Variants in LY75 observed in about 807,000 individuals in gnomAD.
LY75 encodes C-type lectin domain family 13 member B.
LY75 carries 185 observed loss-of-function variants against 231.7 expected under a neutral mutation model. The ratio of observed to expected loss-of-function variants is 0.80; its 90% CI spans 0.71 to 0.90. The LOEUF is 0.90. Ranked by LOEUF, LY75 falls within the 40% of genes least tolerant of loss-of-function variation. LY75 has a pLI of 0.00. For missense variants in LY75, 1,947 were observed against 2,050.2 expected (o/e 0.95, Z 0.97); for synonymous variants, 668 against 689.0 (o/e 0.97, Z 0.48).
chr2:159,850,799 T>TATATATATATATATATATA (rs1491206351), intron 21 of LY75, among the ~76,000 whole-genome samples: 4 of 105,366 alleles, frequency 3.8e-5, no homozygotes, highest in African/African-American at 1.2e-4. Context: ...TATATATATA[T>TATATATATATATATATATA]TATATCTTAT....
At chr2:159,844,093 T>C (rs1684124778) in intron 23 of LY75, among the ~76,000 whole-genome samples, 1 of 152,042 alleles carries the variant, frequency 6.6e-6, no homozygotes, top group Non-Finnish European at 1.5e-5. Context: ...GATGGAAAGC[T>C]ACCCAGTCAT....
intron 23 of LY75, among the ~76,000 whole-genome samples, chr2:159,845,501 T>G (rs1438749048): frequency 6.6e-6 from 1 of 151,432 alleles, no homozygotes; most frequent in Non-Finnish European, 1.5e-5. Flanking sequence ...ATCCGTGGGT[T>G]CTGAATCTGG....
At chr2:159,861,280 A>G (rs1373213424) in intron 14 of LY75, among the ~76,000 whole-genome samples, 1 of 152,244 alleles carries the variant, frequency 6.6e-6, no homozygotes, top group African/African-American at 2.4e-5. Context: ...AAGAATAAAA[A>G]AGGAGGTGAC....
intron 28 of LY75, among the ~76,000 whole-genome samples, chr2:159,821,555 G>A (rs1486211106): frequency 6.6e-6 from 1 of 150,520 alleles, no homozygotes. Context: ...GGCAGAGGTA[G>A]CAGTGAGCCA....
chr2:159,852,244 G>T lies in LY75; in HGVS notation c.2840C>A (p.Ala947Asp). 1 of 1,613,976 alleles carries T rather than the reference G, an allele frequency of 6.2e-7. No individual in the cohort carries two copies. The highest frequency in any genetic ancestry group is 1.1e-5 in the South Asian group (1 of 91,074). ...CCATTGCTCAGAACATTGCACTTTAGCTGCAGAATCTGGGCTGTATTTCTC... is the reference window on the plus strand; with the variant it reads ...CCATTGCTCAGAACATTGCACTTTATCTGCAGAATCTGGGCTGTATTTCTC... ...SLEKYSPDSA[A>D]KVQCSEQWIP... The change falls in exon 21 of 35, where the codon GCT (alanine) becomes GAT (aspartate). Residue 947 changes from alanine (A) to aspartate (D), a missense_variant. By Grantham distance (126) the Ala-to-Asp change is moderately radical. Coordinates refer to ENST00000263636, the MANE Select transcript of LY75 (RefSeq NM_002349.4).
intron 34 of LY75, among the ~76,000 whole-genome samples, chr2:159,805,891 C>T (rs1277383867): frequency 6.6e-6 from 1 of 152,124 alleles, no homozygotes; most frequent in Non-Finnish European, 1.5e-5. Context: ...CAGAATAAAA[C>T]CAGAACTCAA....
chr2:159,894,311 T>C lies in LY75; in HGVS notation c.467-227A>G, dbSNP rs370203514. 1.1e-4 allele frequency among the ~76,000 whole-genome samples: 16 copies of C among 152,346 alleles called. 1 individual carries two copies. In the South Asian group the frequency reaches 3.1e-3, roughly 30 times the overall value. On this transcript the variant is annotated intron_variant, in intron 2 of 34. Transcript: ENST00000263636. Reference sequence around the variant, plus strand: ...TCCAACCTCTAGTAGCCTCTGTTTCTGCTTTTGCAAACTGGGGATAGCGTT... The same window carrying C: ...TCCAACCTCTAGTAGCCTCTGTTTCCGCTTTTGCAAACTGGGGATAGCGTT...
intron 28 of LY75, among the ~76,000 whole-genome samples, chr2:159,827,728 C>T (rs1683516973): frequency 6.6e-6 from 1 of 152,124 alleles, no homozygotes; most frequent in African/African-American, 2.4e-5. Flanking sequence ...CAATGATAAA[C>T]TGGATAAAGA....
chr2:159,858,727 C>T (rs2729716), intron 15 of LY75, among the ~76,000 whole-genome samples: 5,229 of 152,290 alleles, frequency 0.034, 251 homozygotes, highest in East Asian at 0.16. Flanking sequence ...CTCCCCCACA[C>T]CTGACAATTT....
chr2:159,892,668 G>A (rs1459059153), intron 3 of LY75, among the ~76,000 whole-genome samples: 2 of 152,186 alleles, frequency 1.3e-5, no homozygotes, highest in African/African-American at 2.4e-5. Flanking sequence ...CCTATCACAT[G>A]TCAGGTACCG....
intron 12 of LY75, among the ~76,000 whole-genome samples, chr2:159,874,711 T>C (rs1429459150): frequency 1.7e-4 from 1 of 5,942 alleles, no homozygotes; most frequent in African/African-American, 6.9e-4. Flanking sequence ...TAAATATATG[T>C]AAATATATAT....
At chr2:159,898,366 T>G in intron 2 of LY75, among the ~76,000 whole-genome samples, 1 of 152,134 alleles carries the variant, frequency 6.6e-6, no homozygotes. Context: ...ATTCCTTTCC[T>G]CTAGGGTTTC....
At chr2:159,860,055 T>C (rs188953716) in intron 15 of LY75, among the ~76,000 whole-genome samples, 32 of 152,348 alleles carry the variant, frequency 2.1e-4, no homozygotes, top group South Asian at 4.1e-4. Context: ...GTGAAGACAA[T>C]GGCTATGCTT....
At chr2:159,859,910 C>T (rs1684654048) in intron 15 of LY75, among the ~76,000 whole-genome samples, 2 of 152,216 alleles carry the variant, frequency 1.3e-5, no homozygotes, top group African/African-American at 2.4e-5. Context: ...GGACCATCAC[C>T]ATCACCATCC....
chr2:159,896,911 A>G (rs889531485), intron 2 of LY75, among the ~76,000 whole-genome samples: 1 of 152,148 alleles, frequency 6.6e-6, no homozygotes, highest in South Asian at 2.1e-4. Flanking sequence ...ATGCTTTAAA[A>G]AAAGCTTTAG....
rs576584691 is a variant in LY75 at position 159,840,774 on chromosome 2, C to T, written c.3462G>A (p.Ala1154=). The change falls in exon 25 of 35, where the codon GCG becomes GCA. Residue 1154 remains alanine, a synonymous_variant. Transcript: ENST00000263636. The part of the protein sequence containing the change: ...PYQQAFLSVQ[A]LLHNSSLWIG... Reference sequence around the variant, plus strand: ...TCCATAAGGAAGAGTTGTGAAGGAGCGCCTGCACACTGAGGAATGCCTGCT... The same window carrying T: ...TCCATAAGGAAGAGTTGTGAAGGAGTGCCTGCACACTGAGGAATGCCTGCT... 77 of 1,613,996 alleles carry T rather than the reference C, an allele frequency of 4.8e-5. No individual in the cohort carries two copies. In the South Asian group the frequency reaches 4.8e-4, roughly 10 times the overall value.
Position 159,842,260 on chromosome 2 carries a change from A to T in LY75, c.3265T>A (p.Cys1089Ser), listed in dbSNP as rs1338788190. 1.2e-6 allele frequency: 2 copies of T among 1,611,552 alleles called. No homozygotes were observed. Among genetic ancestry groups the T allele is most frequent in the African/African-American group, 2.7e-5 (2 of 74,616 alleles). The change falls in exon 24 of 35, where the codon TGT (cysteine) becomes AGT (serine). Residue 1089 changes from cysteine (C) to serine (S), a missense_variant. Cys to Ser is a moderately radical substitution (Grantham distance 112, BLOSUM62 -1). Transcript: ENST00000263636. The part of the protein sequence containing the change: ...SCSERHFVSL[C>S]QKYSEVKSRQ... ...TAATTGTTACCTGAATATTTCTGAC[A>T]GAGAGACACAAAGTGGCGTTCACTG...
intron 20 of LY75, 134 bp downstream of exon 20, chr2:159,853,139 G>A: frequency 1.1e-6 from 1 of 887,570 alleles, no homozygotes; most frequent in African/African-American, 1.7e-5. Flanking sequence ...TTGAGCTATT[G>A]TTGCTAATAA....
chr2:159,893,935 A>G lies in LY75; in HGVS notation c.616T>C (p.Trp206Arg), dbSNP rs2125884092. The G allele has an allele frequency of 6.2e-7, 1 of 1,612,332 alleles. No homozygotes were observed. The highest frequency in any genetic ancestry group is 1.1e-5 in the South Asian group (1 of 90,768). The change falls in exon 3 of 35, where the codon TGG becomes CGG. Residue 206 changes from tryptophan to arginine, a missense_variant. Transcript: ENST00000263636. ...TTLNYEYDRK[W>R]GICLKPENGC... ...ATACCAGGCTTTAAGCAGATGCCCCACTTTCGGTCATATTCATAATTTAAG... is the reference window on the plus strand; with the variant it reads ...ATACCAGGCTTTAAGCAGATGCCCCGCTTTCGGTCATATTCATAATTTAAG...
Sources: allele counts gnomAD v4.1 joint callset (sites outside exome capture counted in the v4.1 genomes callset), GRCh38; gene constraint gnomAD v4.1.1; transcripts MANE v1.5; gene names NCBI Gene and HGNC (gene_info 2026-07-23, HGNC 2026-07-21).